SLC2A8: variants seen among roughly 807,000 people sequenced by gnomAD.
SLC2A8 encodes solute carrier family 2 member 8, also known as solute carrier family 2, facilitated glucose transporter member 8.
A neutral mutation model predicts 49.2 loss-of-function variants in SLC2A8; 53 were observed. The ratio of observed to expected loss-of-function variants is 1.08; its 90% CI spans 0.86 to 1.35. The LOEUF (loss-of-function observed/expected upper bound fraction) is 1.35, where lower values mean the gene tolerates loss of function less well. SLC2A8 is among the 40% of genes most tolerant of loss of function. The probability of loss-of-function intolerance (pLI) is 0.00; values close to 1 mark genes in which losing one functional copy is unlikely to be tolerated. For missense variants in SLC2A8, 688 were observed against 671.7 expected, an observed-to-expected ratio of 1.02 and a Z score of -0.27; for synonymous variants, 299 against 297.0, an observed-to-expected ratio of 1.01 and a Z score of -0.07.
chr9:127,400,084 A>T, intron 4 of SLC2A8, 78 bp downstream of exon 4: 1 of 1,259,072 alleles, frequency 7.9e-7, no homozygotes, highest in African/African-American at 1.5e-5. Flanking sequence ...AGGTTCAGTG[A>T]GGTCAAGGGA....
chr9:127,403,042 A>G (rs1356830441), intron 5 of SLC2A8, among the ~76,000 whole-genome samples: 2 of 152,244 alleles, frequency 1.3e-5, no homozygotes, highest in Non-Finnish European at 2.9e-5. Context: ...ACAGAGGCAG[A>G]GCTGAGGACT....
chr9:127,402,623 T>C lies in SLC2A8; in HGVS notation c.593T>C (p.Leu198Pro). The C allele has an allele frequency of 6.3e-7, 1 of 1,597,800 alleles. No homozygotes were observed. Among genetic ancestry groups the C allele is most frequent in the Non-Finnish European group, 8.5e-7 (1 of 1,174,588 alleles). The change falls in exon 5 of 10, where the codon CTC becomes CCC. Residue 198 changes from leucine to proline, a missense_variant. Transcript: ENST00000373371. ...GTGCCCCCCTCCCTCATGCTGCTTC[T>C]CATGTGCTTCATGCCCGAGACCCCG... ...GCVPPSLMLLLMCFMPETPRF... is the reference protein window; with the variant it reads ...GCVPPSLMLLPMCFMPETPRF...
At chr9:127,404,202 C>G in intron 7 of SLC2A8, 135 bp downstream of exon 7, 1 of 638,008 alleles carries the variant, frequency 1.6e-6, no homozygotes, top group Non-Finnish European at 2.7e-6. Flanking sequence ...GATTTGACAG[C>G]AGCTTGTCAC....
intron 4 of SLC2A8, among the ~76,000 whole-genome samples, chr9:127,401,192 C>T (rs1385136037): frequency 6.6e-6 from 1 of 152,200 alleles, no homozygotes; most frequent in Non-Finnish European, 1.5e-5. Context: ...CAAGTCATAC[C>T]ACCTCTGAAA....
chr9:127,405,048 C>T, intron 8 of SLC2A8, 57 bp downstream of exon 8: 1 of 1,545,604 alleles, frequency 6.5e-7, no homozygotes, highest in Non-Finnish European at 8.7e-7. Flanking sequence ...CCCGGCCCTG[C>T]TGTGGCGGCT....
At chr9:127,397,582 C>T (rs1049632198) in intron 2 of SLC2A8, 44 bp downstream of exon 2, 2 of 1,367,628 alleles carry the variant, frequency 1.5e-6, no homozygotes, top group Non-Finnish European at 9.4e-7. Flanking sequence ...ACCCCACGCC[C>T]TCCTCTCGGG....
At chr9:127,405,101 A>G in intron 8 of SLC2A8, 110 bp downstream of exon 8, 1 of 1,225,992 alleles carries the variant, frequency 8.2e-7, no homozygotes, top group Non-Finnish European at 1.1e-6. Flanking sequence ...CTCCTCTCGT[A>G]AGTTCCAAGC....
rs1564214414 is a variant in SLC2A8, at chr9:127,399,620, T to G, written c.427-287T>G. On this transcript the variant is annotated intron_variant, in intron 3 of 9. Transcript: ENST00000373371. This position sits in a 1 kb window ranked among gnomAD's most constrained non-coding sequence, Gnocchi z 4.2. Reference sequence around the variant, plus strand: ...AAAAATTTCGGAGTTTCGCTCTTGTTGCCCAGGCTGGAGTGCAATGGTGGG... The same window carrying G: ...AAAAATTTCGGAGTTTCGCTCTTGTGGCCCAGGCTGGAGTGCAATGGTGGG... Among the ~76,000 whole-genome samples the G allele has an allele frequency of 6.6e-6, 1 of 151,778 alleles. No homozygotes were observed. The highest frequency in any genetic ancestry group is 1.5e-5 in the Non-Finnish European group (1 of 67,954).
At position 127,399,785 on chromosome 9, in the gene SLC2A8, T is replaced by G; in HGVS notation, c.427-122T>G. 2.9e-6 allele frequency: 2 copies of G among 690,122 alleles called. No homozygotes were observed. The allele number at this position is 690,122 out of a possible 1,614,324, so 42.7% of individuals were successfully genotyped here. A position where few individuals can be genotyped will look rare whatever the true frequency, so the allele number is the denominator to read the frequency against. On this transcript the variant is annotated intron_variant, in intron 3 of 9. Transcript: ENST00000373371. This position sits in a 1 kb window ranked among gnomAD's most constrained non-coding sequence, Gnocchi z 4.2. ...TAGTAGAGATGGGGTTTCTCCCTGTTGGTCAGGCCAGTCTCAAACTCCCAA... is the reference window on the plus strand; with the variant it reads ...TAGTAGAGATGGGGTTTCTCCCTGTGGGTCAGGCCAGTCTCAAACTCCCAA...
intron 4 of SLC2A8, 42 bp from the exon 5 acceptor site, chr9:127,402,515 A>T: frequency 6.8e-7 from 1 of 1,461,792 alleles, no homozygotes. Flanking sequence ...AGGCTGGCTC[A>T]CCCTGGCTCT....
Position 127,399,781 on chromosome 9 carries a change from C to T in SLC2A8, c.427-126C>T, listed in dbSNP as rs987700926. 1 of 667,942 alleles carries T rather than the reference C, an allele frequency of 1.5e-6. No homozygotes were observed. The highest frequency in any genetic ancestry group is 2.6e-6 in the Non-Finnish European group (1 of 383,914). The allele number at this position is 667,942 out of a possible 1,614,324, so 41.4% of individuals were successfully genotyped here. A position where few individuals can be genotyped will look rare whatever the true frequency, so the allele number is the denominator to read the frequency against. On this transcript the variant is annotated intron_variant, in intron 3 of 9. Coordinates refer to ENST00000373371, the MANE Select transcript of SLC2A8 (RefSeq NM_014580.5). The surrounding 1 kb of genome is among the most constrained non-coding windows in gnomAD (Gnocchi z 4.2). ...TTTTTAGTAGAGATGGGGTTTCTCC[C>T]TGTTGGTCAGGCCAGTCTCAAACTC...
chr9:127,402,404 C>T (rs1833321269), intron 4 of SLC2A8, 153 bp from the exon 5 acceptor site: 2 of 1,234,662 alleles, frequency 1.6e-6, no homozygotes, highest in South Asian at 3.5e-5. Context: ...CCTTCATGAA[C>T]AGTTGTGATA....
Position 127,397,373 on chromosome 9 carries a change from CAG to C in SLC2A8, c.57-2_57-1del. Reference sequence around the variant, plus strand: ...CCGCTCACCCTCGGCCCTGTCCCCCCAGCGCGCCCCGCGGCCGCCGCGTCTTC... The same window carrying C: ...CCGCTCACCCTCGGCCCTGTCCCCCCCGCGCCCCGCGGCCGCCGCGTCTTC... On this transcript the variant is annotated splice_acceptor_variant, in intron 1 of 9. Coordinates refer to ENST00000373371, the MANE Select transcript of SLC2A8 (RefSeq NM_014580.5). LOFTEE classifies it high-confidence loss of function. 4 of 1,463,708 alleles carry C rather than the reference CAG, an allele frequency of 2.7e-6. No individual in the cohort carries two copies. The highest frequency in any genetic ancestry group is 2.7e-6 in the Non-Finnish European group (3 of 1,116,426). The allele number at this position is 1,463,708 out of a possible 1,614,324, so 90.7% of individuals were successfully genotyped here. A position where few individuals can be genotyped will look rare whatever the true frequency, so the allele number is the denominator to read the frequency against.
intron 4 of SLC2A8, among the ~76,000 whole-genome samples, chr9:127,400,745 A>G (rs1266553418): frequency 6.6e-6 from 1 of 152,126 alleles, no homozygotes; most frequent in Non-Finnish European, 1.5e-5. Flanking sequence ...CGAGGGGCAA[A>G]GCTGGGCCAG....
In SLC2A8 at chr9:127,397,932, G is replaced by C. The variant is rs770591156; in HGVS notation, c.247G>C (p.Gly83Arg). 2.1e-4 allele frequency: 314 copies of C among 1,531,196 alleles called. 1 individual carries two copies. Among genetic ancestry groups the C allele is most frequent in the South Asian group, 4.2e-4 (35 of 83,812 alleles). The allele number at this position is 1,531,196 out of a possible 1,614,324, so 94.9% of individuals were successfully genotyped here. A position where few individuals can be genotyped will look rare whatever the true frequency, so the allele number is the denominator to read the frequency against. ...GAVVTLGAAA[G>R]GVLGGWLVDR... ...TGTCGTGACCCTGGGTGCCGCGGCGGGGGGAGTGCTGGGCGGCTGGCTGGT... is the reference window on the plus strand; with the variant it reads ...TGTCGTGACCCTGGGTGCCGCGGCGCGGGGAGTGCTGGGCGGCTGGCTGGT... The change falls in exon 3 of 10, where the codon GGG (glycine) becomes CGG (arginine). Residue 83 changes from glycine to arginine, a missense_variant. Transcript: ENST00000373371.
rs780273201 is a variant in SLC2A8 at position 127,403,763 on chromosome 9, T to A, written c.827T>A (p.Met276Lys). 3.7e-6 allele frequency: 6 copies of A among 1,613,142 alleles called. No homozygotes were observed. Among genetic ancestry groups the A allele is most frequent in the Middle Eastern group, 1.6e-4 (1 of 6,084 alleles). The change falls in exon 6 of 10, where the codon ATG becomes AAG. Residue 276 changes from methionine to lysine, a missense_variant. Transcript: ENST00000373371. ...FQQLSGVNAV[M>K]FYAETIFEEA... ...CAGCTGTCGGGGGTCAACGCCGTCA[T>A]GTTCTATGCAGAGACCATCTTTGAA...
At chr9:127,402,071 A>G (rs1040736995) in intron 4 of SLC2A8, among the ~76,000 whole-genome samples, 3 of 152,208 alleles carry the variant, frequency 2.0e-5, no homozygotes, top group African/African-American at 7.2e-5. Context: ...AAATGACTCA[A>G]CACTCAAGTG....
chr9:127,400,182 T>C (rs1205559832), intron 4 of SLC2A8, among the ~76,000 whole-genome samples, 176 bp downstream of exon 4: 1 of 149,510 alleles, frequency 6.7e-6, no homozygotes, highest in Non-Finnish European at 1.5e-5. Context: ...TTTTTTTTTT[T>C]TGAGACAGAG....
At position 127,402,686 on chromosome 9, in the gene SLC2A8, T is replaced by C. The variant is rs778472318; in HGVS notation, c.656T>C (p.Met219Thr). 3 of 1,570,222 alleles carry C rather than the reference T, an allele frequency of 1.9e-6. No homozygotes were observed. The highest frequency in any genetic ancestry group is 2.6e-6 in the Non-Finnish European group (3 of 1,158,812). ...ACTCAGCACAGGCGCCAGGAGGCCA[T>C]GGCCGCCCTGCGGTTCCTGTGGGGC... is the stretch of plus-strand genomic sequence containing the variant. Reference protein sequence around the residue: ...LLTQHRRQEAMAALRFLWGSE... With the variant: ...LLTQHRRQEATAALRFLWGSE... Residue 219 changes from methionine to threonine, a missense_variant, in exon 5 of 10, where the codon ATG becomes ACG. By Grantham distance (81) the Met-to-Thr change is moderately conservative. Coordinates refer to ENST00000373371, the MANE Select transcript of SLC2A8 (RefSeq NM_014580.5).
Sources: allele counts gnomAD v4.1 joint callset (sites outside exome capture counted in the v4.1 genomes callset), GRCh38; gene constraint gnomAD v4.1.1; non-coding constraint Gnocchi (gnomAD v3.1); transcripts MANE v1.5; gene names NCBI Gene and HGNC (gene_info 2026-07-23, HGNC 2026-07-21).